PDCD11: variants seen among roughly 807,000 people sequenced by gnomAD.
PDCD11 encodes programmed cell death 11.
A neutral mutation model predicts 198.9 loss-of-function variants in PDCD11; 97 were observed. That is an observed-to-expected ratio of 0.49 (90% confidence interval 0.41 to 0.58). PDCD11 has a LOEUF of 0.58. PDCD11 is among the 20% of genes least tolerant of loss of function. PDCD11 has a pLI of 0.00. For missense variants in PDCD11, 2,102 were observed against 2,312.7 expected (o/e 0.91, Z 1.87); for synonymous variants, 893 against 918.0 (o/e 0.97, Z 0.49).
rs953458238 is a variant in PDCD11 at position 103,437,622 on chromosome 10, G to A, written c.3846-393G>A. The stretch of plus-strand genomic sequence containing the variant: ...CCTGCCTCAACCTCCCCAGTAGTTG[G>A]GACTACAGGCGCCCGCCACCACGCC... On this transcript the variant is annotated intron_variant, in intron 25 of 35. Transcript: ENST00000369797. Among the ~76,000 whole-genome samples, 3 of 152,058 alleles carry A rather than the reference G, an allele frequency of 2.0e-5. No homozygotes were observed. In the East Asian group the frequency reaches 5.8e-4, roughly 29 times the overall value.
At chr10:103,403,991 T>C (rs975231084) in intron 4 of PDCD11, among the ~76,000 whole-genome samples, 2 of 152,202 alleles carry the variant, frequency 1.3e-5, no homozygotes, top group Non-Finnish European at 2.9e-5. Flanking sequence ...GAGATGATCA[T>C]GATTTTTCAG....
At chr10:103,407,242 G>A (rs1037149461) in intron 7 of PDCD11, among the ~76,000 whole-genome samples, 5 of 152,032 alleles carry the variant, frequency 3.3e-5, no homozygotes, top group African/African-American at 7.3e-5. Context: ...TAGGCATTGA[G>A]TTTTAACTTT....
In PDCD11 at chr10:103,421,345, C is replaced by T. The variant is rs757707022; in HGVS notation, c.2278-3C>T. On this transcript the variant is annotated splice_region_variant and splice_polypyrimidine_tract_variant and intron_variant, in intron 16 of 35. Coordinates refer to ENST00000369797, the MANE Select transcript of PDCD11 (RefSeq NM_014976.2). ...CTCATCTCCTGCCTGTTCTTCTGTT[C>T]AGATCATGAGTGACAAATTTGTGAC... 4 of 1,601,782 alleles carry T rather than the reference C, an allele frequency of 2.5e-6. No individual in the cohort carries two copies. Among genetic ancestry groups the T allele is most frequent in the East Asian group, 4.5e-5 (2 of 44,684 alleles).
At chr10:103,440,919 C>T (rs774641499) in intron 30 of PDCD11, 69 bp downstream of exon 30, 9 of 1,075,668 alleles carry the variant, frequency 8.4e-6, no homozygotes, top group Non-Finnish European at 1.2e-5. Flanking sequence ...TCCTCTGCCT[C>T]ATCCTCTTTT....
intron 28 of PDCD11, 55 bp downstream of exon 28, chr10:103,439,923 C>T (rs1355270788): frequency 1.9e-6 from 3 of 1,606,580 alleles, no homozygotes; most frequent in East Asian, 2.2e-5. Context: ...CCCCTTTCTC[C>T]AGGAGCCCTG....
intron 34 of PDCD11, 147 bp downstream of exon 34, chr10:103,444,215 CAG>C: frequency 1.4e-6 from 1 of 690,802 alleles, no homozygotes; most frequent in East Asian, 2.7e-5. Flanking sequence ...CTCAGCATAA[CAG>C]TGCATGTTAA....
chr10:103,424,018 G>A (rs546336292), intron 19 of PDCD11, among the ~76,000 whole-genome samples: 18 of 152,290 alleles, frequency 1.2e-4, no homozygotes, highest in Admixed American at 8.5e-4. Flanking sequence ...AATTGTTGCC[G>A]GGTGGGAATC....
chr10:103,442,668 A>G (rs2032441417), intron 32 of PDCD11, among the ~76,000 whole-genome samples: 1 of 152,208 alleles, frequency 6.6e-6, no homozygotes, highest in Non-Finnish European at 1.5e-5. Context: ...TCTTCCCTGA[A>G]ACTGCTAAGG....
At chr10:103,432,035 A>G (rs772682600) in intron 21 of PDCD11, 94 bp from the exon 22 acceptor site, 52 of 894,408 alleles carry the variant, frequency 5.8e-5, no homozygotes, top group Non-Finnish European at 9.8e-5. Context: ...GGAGTCCCGT[A>G]CAGTCAATCC....
chr10:103,414,999 C>T lies in PDCD11; in HGVS notation c.1372-6C>T. On this transcript the variant is annotated splice_region_variant and splice_polypyrimidine_tract_variant and intron_variant, in intron 11 of 35. Transcript: ENST00000369797. ...CATTGTGGCAGCTTATCTTTGGATT[C>T]TCTAGGGCACAGTGCTAACCATAAA... 6.2e-7 allele frequency: 1 copy of T among 1,614,024 alleles called. No individual in the cohort carries two copies. The highest frequency in any genetic ancestry group is 1.1e-5 in the South Asian group (1 of 91,060).
Position 103,421,502 on chromosome 10 carries a change from GCCT to G in PDCD11, c.2442_2444del (p.Leu815del), listed in dbSNP as rs1225920184. ...GGTCTGGGGGACTTGGCTATCACCA[GCCT>G]CCTCCTCCTGAATCAGTGCCTGGAG... On this transcript the variant is annotated inframe_deletion, in exon 17 of 36. Coordinates refer to ENST00000369797, the MANE Select transcript of PDCD11 (RefSeq NM_014976.2). 1.3e-6 allele frequency: 2 copies of G among 1,591,442 alleles called. No individual in the cohort carries two copies. Among genetic ancestry groups the G allele is most frequent in the Non-Finnish European group, 1.7e-6 (2 of 1,168,596 alleles).
chr10:103,401,829 G>A (rs1486438256), intron 3 of PDCD11, among the ~76,000 whole-genome samples: 3 of 151,460 alleles, frequency 2.0e-5, no homozygotes, highest in African/African-American at 7.3e-5. Context: ...TGCAAGCTCC[G>A]CCTCCCGGGT....
chr10:103,413,823 G>A (rs1231588623), intron 9 of PDCD11, 143 bp from the exon 10 acceptor site: 4 of 768,440 alleles, frequency 5.2e-6, no homozygotes, highest in Middle Eastern at 3.8e-4. Context: ...CAGTTTTTTA[G>A]TGTGAAGAAT....
chr10:103,418,247 C>T (rs556645633), intron 14 of PDCD11, among the ~76,000 whole-genome samples, 193 bp from the exon 15 acceptor site: 6 of 152,228 alleles, frequency 3.9e-5, no homozygotes, highest in Admixed American at 1.3e-4. Flanking sequence ...GCGATGGGTC[C>T]ACCCATGAGT....
chr10:103,401,651 T>G (rs923985128), intron 3 of PDCD11, among the ~76,000 whole-genome samples: 4 of 152,240 alleles, frequency 2.6e-5, no homozygotes, highest in Non-Finnish European at 4.4e-5. Context: ...AGAGGAACAT[T>G]CATATTTGGC....
intron 5 of PDCD11, 89 bp downstream of exon 5, chr10:103,405,272 G>A: frequency 7.6e-7 from 1 of 1,310,844 alleles, no homozygotes; most frequent in Non-Finnish European, 1.1e-6. Context: ...TTTACTTTCA[G>A]CTCAATTGTG....
Position 103,439,862 on chromosome 10 carries a change from T to C in PDCD11, c.4142T>C (p.Val1381Ala). Reference protein sequence around the residue: ...LPEGKLLTARVLRLNHQKNLV... With the variant: ...LPEGKLLTARALRLNHQKNLV... ...GAAGGGAAGCTGCTCACAGCCAGGG[T>C]CCTACGGTAGGTGCCTTCCCGTTCT... Residue 1381 changes from valine to alanine, a missense_variant, in exon 28 of 36, where the codon GTC (valine) becomes GCC (alanine). Coordinates refer to ENST00000369797, the MANE Select transcript of PDCD11 (RefSeq NM_014976.2). The C allele has an allele frequency of 6.2e-7, 1 of 1,614,122 alleles. No individual in the cohort carries two copies. The highest frequency in any genetic ancestry group is 8.5e-7 in the Non-Finnish European group (1 of 1,179,992).
chr10:103,411,164 A>T (rs111818584), intron 8 of PDCD11, among the ~76,000 whole-genome samples: 7 of 151,802 alleles, frequency 4.6e-5, no homozygotes, highest in African/African-American at 1.2e-4. Flanking sequence ...GAGTCCCCCA[A>T]CCTTGGCCTC....
intron 9 of PDCD11, 58 bp from the exon 10 acceptor site, chr10:103,413,908 T>G (rs1174275076): frequency 3.3e-6 from 5 of 1,516,000 alleles, no homozygotes; most frequent in Non-Finnish European, 4.4e-6. Flanking sequence ...GGCTGTAAGG[T>G]CTCATTGGCT....
Sources: gnomAD v4.1 joint callset for allele counts (sites outside exome capture counted in the v4.1 genomes callset) on GRCh38, gnomAD v4.1.1 for gene constraint, MANE v1.5 for transcripts, NCBI Gene and HGNC (gene_info 2026-07-23, HGNC 2026-07-21) for gene names.